The following RUVBL1 variants were observed in gnomAD, a reference collection of about 807,000 sequenced individuals.
RUVBL1 encodes RuvB like AAA ATPase 1, also known as ruvB-like 1.
In RUVBL1, 4 loss-of-function variants were observed where a neutral mutation model predicts 52.4. The observed-to-expected ratio is 0.08, with a 90% CI of 0.04 to 0.17. RUVBL1 has a LOEUF of 0.17. Ranked by LOEUF, RUVBL1 falls within the 10% of genes least tolerant of loss-of-function variation. The probability of loss-of-function intolerance (pLI) is 1.00; values close to 1 mark genes in which losing one functional copy is unlikely to be tolerated. For synonymous variants in RUVBL1, 217 were observed against 214.4 expected (o/e 1.01, Z -0.10); for missense variants, 298 against 572.8 (o/e 0.52, Z 4.90).
intron 3 of RUVBL1, among the ~76,000 whole-genome samples, chr3:128,111,706 T>C (rs978120798): frequency 6.6e-6 from 1 of 152,228 alleles, no homozygotes; most frequent in Non-Finnish European, 1.5e-5. Context: ...TTTTGTTCAA[T>C]GTAAAATCAA....
intron 1 of RUVBL1, chr3:128,142,073 G>C (rs1944031451): frequency 1.3e-5 from 2 of 152,270 alleles, no homozygotes; most frequent in African/African-American, 4.8e-5. Flanking sequence ...ACAGAGGTCA[G>C]GTTAGCAAGG....
intron 9 of RUVBL1, among the ~76,000 whole-genome samples, chr3:128,073,507 C>G (rs542011486): frequency 2.0e-5 from 3 of 152,286 alleles, no homozygotes; most frequent in South Asian, 4.1e-4. Context: ...GTGGCACTGT[C>G]CGAGAGTCAG....
rs1554534 is a variant in RUVBL1, at chr3:128,080,826, G to T, written c.*424C>A. On this transcript the variant is annotated 3_prime_UTR_variant, in exon 11 of 11. Coordinates refer to ENST00000322623, the MANE Select transcript of RUVBL1 (RefSeq NM_003707.3). ...AAACTGAGAAAATGTGAACGCAGTA[G>T]AATAATGCATCAGTATTGGTCATTC... 0.86 allele frequency: 139,864 copies of T among 161,768 alleles called. 60,707 individuals carry two copies. Among genetic ancestry groups the T allele is most frequent in the African/African-American group, 0.94 (39,197 of 41,774 alleles). The allele number at this position is 161,768 out of a possible 1,614,324, so 10.0% of individuals were successfully genotyped here. A position where few individuals can be genotyped will look rare whatever the true frequency, so the allele number is the denominator to read the frequency against.
intron 1 of RUVBL1, among the ~76,000 whole-genome samples, chr3:128,151,058 A>G (rs1452817067): frequency 9.4e-6 from 1 of 106,540 alleles, no homozygotes; most frequent in African/African-American, 3.9e-5. Flanking sequence ...TTCTATATAT[A>G]TTATATGTTC....
At chr3:128,138,619 T>C (rs1191359930) in intron 1 of RUVBL1, among the ~76,000 whole-genome samples, 1 of 152,120 alleles carries the variant, frequency 6.6e-6, no homozygotes, top group Admixed American at 6.6e-5. Flanking sequence ...AAAATGTTCA[T>C]ACTACCCAAA....
At chr3:128,139,566 G>T (rs1375362082) in intron 1 of RUVBL1, among the ~76,000 whole-genome samples, 1 of 152,142 alleles carries the variant, frequency 6.6e-6, no homozygotes, top group African/African-American at 2.4e-5. Flanking sequence ...GTGACAATCT[G>T]GAGAAAAAGT....
At chr3:128,094,774 A>G (rs572717427) in intron 8 of RUVBL1, among the ~76,000 whole-genome samples, 1 of 152,264 alleles carries the variant, frequency 6.6e-6, no homozygotes, top group East Asian at 1.9e-4. Flanking sequence ...TCGGAGCTCT[A>G]GAGATCAGAT....
chr3:128,097,193 C>A, intron 8 of RUVBL1, 107 bp downstream of exon 8: 1 of 1,103,994 alleles, frequency 9.1e-7, no homozygotes, highest in Non-Finnish European at 1.3e-6. Flanking sequence ...ACAACATGAC[C>A]TCCCCTCATC....
At chr3:128,113,716 C>T (rs76654764) in intron 2 of RUVBL1, among the ~76,000 whole-genome samples, 53 of 152,168 alleles carry the variant, frequency 3.5e-4, no homozygotes, top group East Asian at 3.5e-3. Context: ...AATCCACATA[C>T]GTGGAACCCA....
At chr3:128,153,567 G>T in exon 1 of RUVBL1, 1 of 1,540,302 alleles carries the variant, frequency 6.5e-7, no homozygotes. Flanking sequence ...ACAGCGGCAA[G>T]ACGGCGCTGG....
downstream of RUVBL1, among the ~76,000 whole-genome samples, chr3:128,076,900 C>T (rs145227301): frequency 4.1e-3 from 626 of 152,276 alleles, 5 homozygotes; most frequent in Non-Finnish European, 4.4e-3. The surrounding 1 kb of genome is among the most constrained non-coding windows in gnomAD (Gnocchi z 6.8). Flanking sequence ...GCGCCCTCCC[C>T]GCAGCTGCCG....
chr3:128,068,308 A>C (rs1942044681), intron 9 of RUVBL1, among the ~76,000 whole-genome samples: 1 of 152,270 alleles, frequency 6.6e-6, no homozygotes, highest in South Asian at 2.1e-4. Context: ...GCATGTGGCC[A>C]GGCGGATAGG....
intron 1 of RUVBL1, among the ~76,000 whole-genome samples, chr3:128,133,874 G>A (rs775712260): frequency 4.6e-5 from 7 of 152,090 alleles, no homozygotes; most frequent in South Asian, 2.1e-4. Flanking sequence ...AAGGCTATCC[G>A]TGAAAACATG....
At chr3:128,113,608 AGTT>A (rs1414967890) in intron 2 of RUVBL1, among the ~76,000 whole-genome samples, 1 of 152,198 alleles carries the variant, frequency 6.6e-6, no homozygotes, top group African/African-American at 2.4e-5. Flanking sequence ...CTATGTAAAT[AGTT>A]ATTATATTGT....
chr3:128,074,681 A>G (rs1280984617), intron 9 of RUVBL1, among the ~76,000 whole-genome samples: 16 of 152,092 alleles, frequency 1.1e-4, no homozygotes, highest in African/African-American at 3.9e-4. Context: ...CATCTCTACT[A>G]AAAACACAAA....
intron 1 of RUVBL1, among the ~76,000 whole-genome samples, chr3:128,149,090 T>G (rs1394497618): frequency 6.9e-6 from 1 of 144,314 alleles, no homozygotes; most frequent in African/African-American, 2.4e-5. Context: ...GTGTCTGATA[T>G]AATTTCTTTT....
At chr3:128,134,639 A>C (rs192137990) in intron 1 of RUVBL1, among the ~76,000 whole-genome samples, 1,665 of 151,922 alleles carry the variant, frequency 0.011, 37 homozygotes, top group African/African-American at 0.037. Flanking sequence ...ATAAAAATAA[A>C]AATAACAATA....
upstream of RUVBL1, among the ~76,000 whole-genome samples, chr3:128,127,357 A>G (rs138361330): frequency 1.3e-5 from 2 of 152,310 alleles, no homozygotes; most frequent in Admixed American, 1.3e-4. Context: ...TTGTGCTGTG[A>G]CAGCCCTAGA....
intron 6 of RUVBL1, 65 bp from the exon 7 acceptor site, chr3:128,099,010 T>G: frequency 7.5e-7 from 1 of 1,332,814 alleles, no homozygotes. Flanking sequence ...CTCATCCCCC[T>G]GCATCCCACT....
Sources: gnomAD v4.1 joint callset for allele counts (sites outside exome capture counted in the v4.1 genomes callset) on GRCh38, gnomAD v4.1.1 for gene constraint, Gnocchi (gnomAD v3.1) non-coding constraint, MANE v1.5 for transcripts, NCBI Gene and HGNC (gene_info 2026-07-23, HGNC 2026-07-21) for gene names.